The following ANKFN1 variants were observed in gnomAD, a reference collection of about 807,000 sequenced individuals.
ANKFN1 encodes the protein ankyrin repeat and fibronectin type-III domain-containing protein 1.
In ANKFN1, 74 loss-of-function variants were observed where a neutral mutation model predicts 108.7. The observed-to-expected ratio is 0.68, with a 90% confidence interval of 0.56 to 0.83. The LOEUF (loss-of-function observed/expected upper bound fraction) is 0.83. ANKFN1 is among the 40% of genes least tolerant of loss of function. ANKFN1 has a pLI of 0.00. For missense variants in ANKFN1, 1,505 were observed against 1,382.3 expected (o/e 1.09, Z -1.41); for synonymous variants, 547 against 516.2 (o/e 1.06, Z -0.81).
At chr17:56,245,853 T>A (rs1567861171) in intron 3 of ANKFN1, 1 of 152,104 alleles carries the variant, frequency 6.6e-6, no homozygotes, top group Non-Finnish European at 1.5e-5. Context: ...CACTAAGTCA[T>A]GTTTTATGGA....
At chr17:56,473,575 A>C (rs1272544616) in intron 15 of ANKFN1, 73 of 150,538 alleles carry the variant, frequency 4.8e-4, no homozygotes, top group African/African-American at 1.6e-3. Flanking sequence ...AGGCAGGAGA[A>C]TCGCTTGAAC....
At chr17:56,421,159 A>G (rs970011442) in intron 8 of ANKFN1, among the ~76,000 whole-genome samples, 9 of 152,204 alleles carry the variant, frequency 5.9e-5, no homozygotes, top group African/African-American at 2.2e-4. Flanking sequence ...AGTATCTATA[A>G]TTTTTAGTTA....
intron 1 of ANKFN1, among the ~76,000 whole-genome samples, chr17:56,166,300 G>A (rs1910122713): frequency 6.6e-6 from 1 of 152,170 alleles, no homozygotes; most frequent in Admixed American, 6.5e-5. Context: ...GACAAGATCA[G>A]AGATGCCAGA....
intron 3 of ANKFN1, among the ~76,000 whole-genome samples, chr17:56,275,055 C>T (rs1221309064): frequency 6.6e-6 from 1 of 152,194 alleles, no homozygotes; most frequent in African/African-American, 2.4e-5. Flanking sequence ...CTCGTTTTTA[C>T]TGGCTAGTGA....
At chr17:56,430,997 C>T (rs11653536) in intron 8 of ANKFN1, among the ~76,000 whole-genome samples, 4,963 of 152,240 alleles carry the variant, frequency 0.033, 130 homozygotes, top group Middle Eastern at 0.085. Context: ...GAAGAAAGAG[C>T]ATTTGCAGCA....
Position 56,353,346 on chromosome 17 carries a change from C to G in ANKFN1, c.391-490C>G, listed in dbSNP as rs116988372. 7.6e-4 allele frequency among the ~76,000 whole-genome samples: 116 copies of G among 151,992 alleles called. No individual in the cohort carries two copies. The East Asian group carries it at 0.022, about 29-fold the overall frequency. On this transcript the variant is annotated intron_variant, in intron 5 of 20. Coordinates refer to ENST00000682825, the MANE Select transcript of ANKFN1 (RefSeq NM_001370326.1). ...TGCCCCCTGGGCAGGAGGTGATCCT[C>G]CTGCCTCAACCTCCAGAGTAGCTGG...
chr17:56,304,455 T>A (rs1056878630), intron 3 of ANKFN1, among the ~76,000 whole-genome samples: 1 of 152,236 alleles, frequency 6.6e-6, no homozygotes, highest in Non-Finnish European at 1.5e-5. Flanking sequence ...AATAAACATT[T>A]GTGTACAGAT....
At chr17:56,047,982 A>C (rs1183553695) in intron 4 of ANKFN1, among the ~76,000 whole-genome samples, 1 of 152,210 alleles carries the variant, frequency 6.6e-6, no homozygotes, top group Non-Finnish European at 1.5e-5. Flanking sequence ...TCTTCTCCTA[A>C]TCTCACCCCT....
At chr17:56,353,693 T>G (rs1401110027) in intron 5 of ANKFN1, 143 bp from the exon 6 acceptor site, 1 of 697,714 alleles carries the variant, frequency 1.4e-6, no homozygotes, top group Admixed American at 2.3e-5. Context: ...GTGTTTACTT[T>G]GGAGACCTTG....
intron 15 of ANKFN1, among the ~76,000 whole-genome samples, chr17:56,467,781 A>AAGAAAGAAAG (rs1568026077): frequency 4.4e-4 from 10 of 22,494 alleles, no homozygotes; most frequent in African/African-American, 8.9e-4. Flanking sequence ...GAAAGAAAGA[A>AAGAAAGAAAG]AGAAAGAAAG....
At chr17:56,321,366 G>A (rs2045360960) in intron 3 of ANKFN1, among the ~76,000 whole-genome samples, 1 of 151,678 alleles carries the variant, frequency 6.6e-6, no homozygotes, top group African/African-American at 2.4e-5. Flanking sequence ...TTAGGGAACG[G>A]AAGTAGGCTG....
intron 2 of ANKFN1, among the ~76,000 whole-genome samples, chr17:56,223,388 G>A (rs1409011782): frequency 6.6e-6 from 1 of 151,856 alleles, no homozygotes; most frequent in Admixed American, 6.6e-5. Flanking sequence ...TGCTTATTTC[G>A]ATTACAAATA....
At chr17:56,262,812 A>G (rs1367114043) in intron 3 of ANKFN1, among the ~76,000 whole-genome samples, 1 of 151,514 alleles carries the variant, frequency 6.6e-6, no homozygotes, top group African/African-American at 2.4e-5. Flanking sequence ...ATACCCCCTC[A>G]CAGAGCAGTA....
rs796164428 is a variant in ANKFN1 at position 56,182,623 on chromosome 17, G to A, written c.-71+29093G>A. On this transcript the variant is annotated intron_variant, in intron 1 of 20. Transcript: ENST00000682825. ...CATCTTCATAACATAAATGCAAAGT[G>A]AGGCAGCAAGTGCTGATGGAGAAGC... Among the ~76,000 whole-genome samples the A allele has an allele frequency of 3.3e-5, 5 of 152,326 alleles. No homozygotes were observed. The South Asian group carries it at 1.0e-3, about 32-fold the overall frequency.
chr17:56,470,537 G>A (rs575096419), intron 15 of ANKFN1, among the ~76,000 whole-genome samples: 3 of 152,250 alleles, frequency 2.0e-5, no homozygotes, highest in South Asian at 2.1e-4. Flanking sequence ...GACACACCCA[G>A]TCCACAGAGA....
At chr17:56,202,418 G>A (rs1914145062) in intron 1 of ANKFN1, among the ~76,000 whole-genome samples, 1 of 152,154 alleles carries the variant, frequency 6.6e-6, no homozygotes, top group African/African-American at 2.4e-5. Flanking sequence ...GAGGACACTA[G>A]TGGGGGCCTT....
chr17:56,509,250 T>C lies in ANKFN1; in HGVS notation c.2645-1223T>C, dbSNP rs117148901. On this transcript the variant is annotated intron_variant, in intron 20 of 20. Coordinates refer to ENST00000682825, the MANE Select transcript of ANKFN1 (RefSeq NM_001370326.1). ...TAAGAATGTCATAAACACAAGATAC[T>C]TTCTCTCTTGTGTGAAAGAAGCTCA... Among the ~76,000 whole-genome samples the C allele has an allele frequency of 9.7e-3, 1,482 of 152,288 alleles. 15 individuals are homozygous for C. Among genetic ancestry groups the C allele is most frequent in the Non-Finnish European group, 0.017 (1,151 of 68,020 alleles).
intron 19 of ANKFN1, among the ~76,000 whole-genome samples, chr17:56,492,587 T>C (rs933766195): frequency 4.6e-5 from 7 of 152,186 alleles, no homozygotes; most frequent in Non-Finnish European, 7.3e-5. Flanking sequence ...TCAGTCACCA[T>C]GGTGGGTAGT....
chr17:56,218,591 C>T (rs1050628276), intron 2 of ANKFN1, among the ~76,000 whole-genome samples: 5 of 152,240 alleles, frequency 3.3e-5, no homozygotes, highest in African/African-American at 1.2e-4. Context: ...TCTTTTCCAC[C>T]TTTTCTTCTT....
Sources: allele counts gnomAD v4.1 joint callset (sites outside exome capture counted in the v4.1 genomes callset), GRCh38; gene constraint gnomAD v4.1.1; transcripts MANE v1.5; gene names NCBI Gene and HGNC (gene_info 2026-07-23, HGNC 2026-07-21).